The following MRE11 variants were observed in gnomAD, a reference collection of about 807,000 sequenced individuals.
MRE11 encodes the protein double-strand break repair protein MRE11.
MRE11 carries 62 observed loss-of-function variants against 91.7 expected under a neutral mutation model. That is an observed-to-expected ratio of 0.68 (90% confidence interval 0.55 to 0.84). The LOEUF (loss-of-function observed/expected upper bound fraction) is 0.84, where lower values mean the gene tolerates loss of function less well. Among genes scored for constraint, MRE11 ranks in the 40% least tolerant of loss-of-function variants. The pLI is 0.00. For synonymous variants in MRE11, 273 were observed against 271.4 expected, an observed-to-expected ratio of 1.01 and a Z score of -0.06; for missense variants, 796 against 852.9, an observed-to-expected ratio of 0.93 and a Z score of 0.83.
chr11:94,449,703 T>C (rs533068750), intron 14 of MRE11, among the ~76,000 whole-genome samples: 2 of 152,360 alleles, frequency 1.3e-5, no homozygotes, highest in African/African-American at 2.4e-5. Flanking sequence ...CAAAGCTAAA[T>C]GGTACAGTCT....
At chr11:94,436,526 A>G (rs1945619750) in intron 17 of MRE11, among the ~76,000 whole-genome samples, 1 of 152,232 alleles carries the variant, frequency 6.6e-6, no homozygotes, top group Admixed American at 6.5e-5. Flanking sequence ...TAAATATCCT[A>G]CAATGCATAG....
the MRE11 span, among the ~76,000 whole-genome samples, chr11:94,503,934 A>ATC: frequency 6.6e-6 from 1 of 152,160 alleles, no homozygotes; most frequent in Non-Finnish European, 1.5e-5. Flanking sequence ...GAGTCTAGAA[A>ATC]TAAATCCAGA....
In MRE11 at chr11:94,417,448, A is replaced by C; in HGVS notation, c.*2677T>G. On this transcript the variant is annotated 3_prime_UTR_variant, in exon 20 of 20. Coordinates refer to ENST00000323929, the MANE Select transcript of MRE11 (RefSeq NM_005591.4). ...AAGTAAAGCAAATTACATGATTAGA[A>C]GGCTAATTATGGTATTACTGCATAG... 2 of 232,926 alleles carry C rather than the reference A, an allele frequency of 8.6e-6. No individual in the cohort carries two copies. The highest frequency in any genetic ancestry group is 1.7e-5 in the Non-Finnish European group (2 of 117,846). 14.4% of individuals were successfully genotyped at this position (232,926 alleles called of 1,614,324 possible). A position where few individuals can be genotyped will look rare whatever the true frequency, so the allele number is the denominator to read the frequency against.
intron 6 of MRE11, 63 bp downstream of exon 6, chr11:94,478,672 C>T: frequency 6.3e-7 from 1 of 1,589,908 alleles, no homozygotes; most frequent in African/African-American, 1.3e-5. Flanking sequence ...AACTTATCTC[C>T]AAATTTCTCA....
intron 16 of MRE11, among the ~76,000 whole-genome samples, chr11:94,438,994 A>G (rs904212190): frequency 2.0e-5 from 3 of 152,228 alleles, no homozygotes; most frequent in African/African-American, 7.2e-5. Flanking sequence ...TTATTCACCT[A>G]GCCACTATCC....
chr11:94,429,471 T>C (rs1196899723), intron 19 of MRE11, among the ~76,000 whole-genome samples: 1 of 152,168 alleles, frequency 6.6e-6, no homozygotes, highest in Non-Finnish European at 1.5e-5. Context: ...AAAATGGTGG[T>C]ACATATGTAA....
At chr11:94,463,102 C>T (rs1467005935) in intron 11 of MRE11, among the ~76,000 whole-genome samples, 1 of 152,128 alleles carries the variant, frequency 6.6e-6, no homozygotes, top group East Asian at 1.9e-4. Flanking sequence ...CAAACAACCC[C>T]TTCAAAAAGT....
At chr11:94,423,034 T>G (rs1317240351) in intron 19 of MRE11, among the ~76,000 whole-genome samples, 2 of 152,130 alleles carry the variant, frequency 1.3e-5, no homozygotes, top group East Asian at 3.9e-4. Flanking sequence ...TTAAAAATAA[T>G]TTTTAGTGGA....
chr11:94,475,701 G>T, intron 7 of MRE11: 1 of 448,924 alleles, frequency 2.2e-6, no homozygotes, highest in Non-Finnish European at 4.5e-6. Flanking sequence ...AAGAACACTT[G>T]CATATATGTA....
chr11:94,444,902 A>G (rs997232546), intron 16 of MRE11, among the ~76,000 whole-genome samples: 1 of 152,056 alleles, frequency 6.6e-6, no homozygotes, highest in African/African-American at 2.4e-5. Flanking sequence ...TAATATACAT[A>G]TGAATATATT....
chr11:94,441,533 A>G (rs1464336718), intron 16 of MRE11, among the ~76,000 whole-genome samples: 1 of 152,234 alleles, frequency 6.6e-6, no homozygotes, highest in African/African-American at 2.4e-5. Flanking sequence ...GAAACAGACA[A>G]CAGAAAGAGG....
chr11:94,451,809 C>G (rs573069624), intron 14 of MRE11, among the ~76,000 whole-genome samples: 1 of 152,170 alleles, frequency 6.6e-6, no homozygotes, highest in South Asian at 2.1e-4. Context: ...TCAAAAAACC[C>G]TAAATATGCT....
In MRE11 at chr11:94,478,160, G is replaced by A. The variant is rs149923712; in HGVS notation, c.544+575C>T. On this transcript the variant is annotated intron_variant, in intron 6 of 19. Transcript: ENST00000323929. ...GAGAGATGTGCTTCTGGTGGTGACTGAGGCATAATGGAATCTGTCCTTAGT... is the reference window on the plus strand; with the variant it reads ...GAGAGATGTGCTTCTGGTGGTGACTAAGGCATAATGGAATCTGTCCTTAGT... Among the ~76,000 whole-genome samples the A allele has an allele frequency of 6.2e-4, 94 of 152,250 alleles. No individual in the cohort carries two copies. In the East Asian group the frequency reaches 0.018, roughly 29 times the overall value.
chr11:94,440,597 G>GA (rs34520231), intron 16 of MRE11, among the ~76,000 whole-genome samples: 4 of 152,284 alleles, frequency 2.6e-5, no homozygotes, highest in African/African-American at 7.2e-5. Flanking sequence ...GAATCCTGAA[G>GA]AAAAATAGAG....
intron 19 of MRE11, among the ~76,000 whole-genome samples, chr11:94,427,728 C>T (rs186211655): frequency 2.0e-5 from 3 of 152,124 alleles, no homozygotes; most frequent in Admixed American, 2.0e-4. Context: ...AAGTCAGTAG[C>T]ATTTCTATAC....
chr11:94,460,174 T>A (rs1004179604), intron 12 of MRE11, among the ~76,000 whole-genome samples: 1 of 152,144 alleles, frequency 6.6e-6, no homozygotes, highest in Non-Finnish European at 1.5e-5. Context: ...AAATGGATTC[T>A]CCCTTAGAGC....
At chr11:94,456,630 G>A (rs1946254338) in intron 13 of MRE11, among the ~76,000 whole-genome samples, 1 of 152,046 alleles carries the variant, frequency 6.6e-6, no homozygotes, top group African/African-American at 2.4e-5. Flanking sequence ...TACCCTATGG[G>A]TATTACACTT....
chr11:94,470,793 T>C, intron 8 of MRE11, 151 bp from the exon 9 acceptor site: 2 of 868,324 alleles, frequency 2.3e-6, no homozygotes, highest in Non-Finnish European at 3.6e-6. Context: ...TTAACCTTAA[T>C]GTTATCATCA....
At chr11:94,429,020 G>T (rs1945396399) in intron 19 of MRE11, among the ~76,000 whole-genome samples, 1 of 152,102 alleles carries the variant, frequency 6.6e-6, no homozygotes, top group Non-Finnish European at 1.5e-5. Flanking sequence ...AACTGCATCA[G>T]AAAATGGGCA....
Sources: allele counts gnomAD v4.1 joint callset (sites outside exome capture counted in the v4.1 genomes callset), GRCh38; gene constraint gnomAD v4.1.1; transcripts MANE v1.5; gene names NCBI Gene and HGNC (gene_info 2026-07-23, HGNC 2026-07-21).